Variants in CCDC93 observed in about 807,000 individuals in gnomAD.
CCDC93 encodes coiled-coil domain-containing protein 93.
Under a neutral mutation model 108.2 loss-of-function variants are expected in CCDC93, and 61 were observed. The observed-to-expected ratio is 0.56, with a 90% CI of 0.46 to 0.70. The LOEUF (loss-of-function observed/expected upper bound fraction) is 0.70. CCDC93 is among the 30% of genes least tolerant of loss of function. The pLI, the probability that CCDC93 is intolerant of heterozygous loss-of-function variation, is 0.00. For synonymous variants in CCDC93, 276 were observed against 260.4 expected (o/e 1.06, Z -0.58); for missense variants, 685 against 764.2 (o/e 0.90, Z 1.22).
intron 6 of CCDC93, among the ~76,000 whole-genome samples, chr2:117,989,607 A>T (rs1680417287): frequency 1.3e-5 from 2 of 152,206 alleles, no homozygotes; most frequent in Non-Finnish European, 2.9e-5. Flanking sequence ...CATGGAGTCA[A>T]ACAAGCTAGA....
At chr2:117,964,892 T>C (rs972336358) in intron 11 of CCDC93, among the ~76,000 whole-genome samples, 1 of 152,222 alleles carries the variant, frequency 6.6e-6, no homozygotes, top group Non-Finnish European at 1.5e-5. Context: ...CGTGAGCCTC[T>C]GTGCCTGGCC....
At chr2:117,939,726 G>A (rs1678639944) in intron 19 of CCDC93, among the ~76,000 whole-genome samples, 1 of 152,200 alleles carries the variant, frequency 6.6e-6, no homozygotes, top group Non-Finnish European at 1.5e-5. Flanking sequence ...GCACATGAAG[G>A]AAGTGTGATC....
rs576287518 is a variant in CCDC93, at chr2:117,925,763, C to A, written c.1842+5274G>T. ...GAATTGAACTCAGCTCTGCACCAAG[C>A]AGACCTAATAGACATCTACAGAACT... On this transcript the variant is annotated intron_variant, in intron 23 of 23. Coordinates refer to ENST00000376300, the MANE Select transcript of CCDC93 (RefSeq NM_019044.5). Among the ~76,000 whole-genome samples, 10 of 152,294 alleles carry A rather than the reference C, an allele frequency of 6.6e-5. No homozygotes were observed. In the South Asian group the frequency reaches 2.1e-3, roughly 32 times the overall value.
At chr2:117,982,764 G>T (rs1027673186) in intron 7 of CCDC93, among the ~76,000 whole-genome samples, 33 of 151,898 alleles carry the variant, frequency 2.2e-4, no homozygotes, top group African/African-American at 6.0e-4. Context: ...GTGGGGGGGG[G>T]GGTGCGTGAG....
intron 23 of CCDC93, among the ~76,000 whole-genome samples, chr2:117,927,919 C>G (rs1307549320): frequency 6.6e-6 from 1 of 152,048 alleles, no homozygotes; most frequent in South Asian, 2.1e-4. Context: ...GAGATATAGA[C>G]CAATGGAACA....
Position 117,974,913 on chromosome 2 carries a change from T to C in CCDC93, c.751-13A>G, listed in dbSNP as rs759065738. The stretch of plus-strand genomic sequence containing the variant: ...ACTGAATACGCTGCTGAAAGAGGAA[T>C]GGAAGGGAGCAGCAGTGAGTGGTTC... On this transcript the variant is annotated splice_polypyrimidine_tract_variant and intron_variant, in intron 9 of 23. Coordinates refer to ENST00000376300, the MANE Select transcript of CCDC93 (RefSeq NM_019044.5). 1.9e-6 allele frequency: 3 copies of C among 1,542,364 alleles called. No homozygotes were observed. The highest frequency in any genetic ancestry group is 2.6e-6 in the Non-Finnish European group (3 of 1,135,884).
At chr2:117,994,505 C>T (rs1680584256) in intron 6 of CCDC93, among the ~76,000 whole-genome samples, 1 of 152,124 alleles carries the variant, frequency 6.6e-6, no homozygotes, top group Non-Finnish European at 1.5e-5. Flanking sequence ...CTTTCATTAC[C>T]AAATGATTGT....
At chr2:118,006,669 T>C in intron 3 of CCDC93, 53 bp downstream of exon 3, 1 of 1,050,712 alleles carries the variant, frequency 9.5e-7, no homozygotes, top group Non-Finnish European at 1.5e-6. Flanking sequence ...CAGTAGACAC[T>C]CAAAAGTTAG....
intron 12 of CCDC93, among the ~76,000 whole-genome samples, chr2:117,954,686 G>A (rs1208322085): frequency 3.9e-5 from 6 of 152,108 alleles, no homozygotes; most frequent in Non-Finnish European, 8.8e-5. Context: ...CTATTCCTTT[G>A]CATATTCCCT....
At chr2:118,005,442 A>T (rs1676838016) in intron 3 of CCDC93, among the ~76,000 whole-genome samples, 1 of 152,226 alleles carries the variant, frequency 6.6e-6, no homozygotes, top group South Asian at 2.1e-4. Context: ...TCAAGAAGAC[A>T]AAGAATTCAT....
chr2:117,982,872 G>C (rs904227227), intron 7 of CCDC93, among the ~76,000 whole-genome samples: 1 of 152,172 alleles, frequency 6.6e-6, no homozygotes, highest in African/African-American at 2.4e-5. Flanking sequence ...AGGGGCAGGG[G>C]AGAAAAGGCC....
chr2:117,980,096 T>C (rs1680070596), intron 7 of CCDC93, among the ~76,000 whole-genome samples: 2 of 152,188 alleles, frequency 1.3e-5, no homozygotes, highest in Non-Finnish European at 2.9e-5. Flanking sequence ...CAAGCCGCTA[T>C]AGCACCAGCT....
chr2:117,966,169 G>A (rs1228554972), intron 11 of CCDC93, among the ~76,000 whole-genome samples: 1 of 152,206 alleles, frequency 6.6e-6, no homozygotes, highest in African/African-American at 2.4e-5. Context: ...TGGTAGAAAA[G>A]TAATCCCTGT....
intron 8 of CCDC93, 116 bp from the exon 9 acceptor site, chr2:117,975,396 GC>G: frequency 9.3e-6 from 7 of 753,518 alleles, no homozygotes; most frequent in Non-Finnish European, 1.6e-5. Flanking sequence ...CAGAGCAGCA[GC>G]ATCCTGAGAG....
intron 3 of CCDC93, chr2:118,001,152 TATA>T (rs764746894): frequency 2.4e-6 from 1 of 417,324 alleles, no homozygotes; most frequent in African/African-American, 2.0e-5. Flanking sequence ...TCCTTTATTC[TATA>T]ATGTTTTTCT....
chr2:117,969,321 C>T (rs1317744410), intron 11 of CCDC93, among the ~76,000 whole-genome samples: 1 of 152,210 alleles, frequency 6.6e-6, no homozygotes, highest in African/African-American at 2.4e-5. Flanking sequence ...TTGCAAGGAA[C>T]TGAATGCTGC....
chr2:118,004,170 T>G (rs551009548), intron 3 of CCDC93, among the ~76,000 whole-genome samples: 106 of 152,162 alleles, frequency 7.0e-4, no homozygotes, highest in Non-Finnish European at 1.3e-3. Flanking sequence ...ACTCCTATCA[T>G]AAAACTAGGG....
intron 23 of CCDC93, chr2:117,921,906 G>C (rs904839951): frequency 6.6e-6 from 1 of 151,890 alleles, no homozygotes; most frequent in Non-Finnish European, 1.5e-5. Context: ...TTTTTGGGGA[G>C]AGAGGGGCAG....
chr2:117,927,127 A>G (rs571481267), intron 23 of CCDC93, among the ~76,000 whole-genome samples: 2 of 152,312 alleles, frequency 1.3e-5, no homozygotes, highest in East Asian at 1.9e-4. Context: ...TCTCAAAATA[A>G]TAAGAGCTAT....
Sources: allele counts gnomAD v4.1 joint callset (sites outside exome capture counted in the v4.1 genomes callset), GRCh38; gene constraint gnomAD v4.1.1; transcripts MANE v1.5; gene names NCBI Gene and HGNC (gene_info 2026-07-23, HGNC 2026-07-21).